The following GRID2 variants were observed in gnomAD, a reference collection of about 807,000 sequenced individuals.
The protein encoded by GRID2 is glutamate receptor ionotropic, delta-2.
A neutral mutation model predicts 114.8 loss-of-function variants in GRID2; 33 were observed. The observed-to-expected ratio is 0.29, with a 90% confidence interval of 0.22 to 0.38. The LOEUF (loss-of-function observed/expected upper bound fraction) is 0.38. GRID2 is among the 10% of genes least tolerant of loss of function. The probability of loss-of-function intolerance (pLI) is 1.00; values close to 1 mark genes in which losing one functional copy is unlikely to be tolerated. For missense variants in GRID2, 1,184 were observed against 1,257.7 expected, an observed-to-expected ratio of 0.94 and a Z score of 0.89; for synonymous variants, 505 against 449.9, an observed-to-expected ratio of 1.12 and a Z score of -1.55.
intron 2 of GRID2, among the ~76,000 whole-genome samples, chr4:92,961,772 ATTC>A (rs1752832379): frequency 2.0e-5 from 3 of 150,346 alleles, no homozygotes; most frequent in African/African-American, 2.4e-5. Flanking sequence ...TTTTTTTTTA[ATTC>A]TTCTTCTGAT....
At chr4:92,997,906 G>T (rs1287516100) in intron 2 of GRID2, among the ~76,000 whole-genome samples, 1 of 151,856 alleles carries the variant, frequency 6.6e-6, no homozygotes, top group East Asian at 1.9e-4. Context: ...ATAATGAAAT[G>T]TATTTATTAC....
intron 1 of GRID2, among the ~76,000 whole-genome samples, chr4:93,802,379 A>AGT (rs143346784): frequency 1.7e-3 from 261 of 150,992 alleles, no homozygotes; most frequent in African/African-American, 5.9e-3. Flanking sequence ...TGTGAGAGTG[A>AGT]GTGTGTGTGT....
At chr4:93,616,627 A>T (rs1042087415) in intron 13 of GRID2, among the ~76,000 whole-genome samples, 54 of 112,626 alleles carry the variant, frequency 4.8e-4, no homozygotes, top group African/African-American at 2.7e-3. Flanking sequence ...AATAAATATA[A>T]AAAAAAGTTT....
intron 1 of GRID2, among the ~76,000 whole-genome samples, chr4:92,565,421 A>G (rs987115229): frequency 2.0e-5 from 3 of 151,980 alleles, no homozygotes; most frequent in African/African-American, 7.2e-5. Context: ...CCCACTTTAT[A>G]TGACAGTATA....
At chr4:93,438,805 T>C (rs113848377) in intron 10 of GRID2, among the ~76,000 whole-genome samples, 16,020 of 151,684 alleles carry the variant, frequency 0.11, 1,942 homozygotes, top group African/African-American at 0.3. Context: ...TAGCATTAGG[T>C]ATATCTCCTA....
At chr4:92,916,199 G>C (rs1748776518) in intron 2 of GRID2, among the ~76,000 whole-genome samples, 1 of 151,952 alleles carries the variant, frequency 6.6e-6, no homozygotes, top group Non-Finnish European at 1.5e-5. Context: ...TTATAGTGTT[G>C]TGTTTTACAT....
chr4:92,342,275 G>A (rs957106393), intron 1 of GRID2, among the ~76,000 whole-genome samples: 9 of 151,994 alleles, frequency 5.9e-5, no homozygotes, highest in Admixed American at 3.9e-4. Context: ...TAAGTTATAT[G>A]TTAAATAAAA....
chr4:93,270,478 TTC>T (rs1751329793), intron 8 of GRID2, among the ~76,000 whole-genome samples: 1 of 152,198 alleles, frequency 6.6e-6, no homozygotes. Context: ...TGGAGAAGAC[TTC>T]TCTGTAAAAG....
intron 1 of GRID2, among the ~76,000 whole-genome samples, chr4:93,784,740 A>G (rs749679540): frequency 3.3e-5 from 5 of 152,080 alleles, no homozygotes; most frequent in Non-Finnish European, 7.4e-5. Context: ...GATATCCTGT[A>G]TATACCTAAC....
intron 8 of GRID2, chr4:93,282,308 T>C (rs1579534322): frequency 2.7e-6 from 1 of 370,430 alleles, no homozygotes; most frequent in African/African-American, 2.2e-5. Context: ...CCTTAGTCCA[T>C]TTTGGGCTGC....
At chr4:92,922,244 C>T (rs1749417078) in intron 2 of GRID2, among the ~76,000 whole-genome samples, 1 of 152,164 alleles carries the variant, frequency 6.6e-6, no homozygotes, top group African/African-American at 2.4e-5. Flanking sequence ...GTGCCATCGT[C>T]ACCCCTTTCT....
rs573909173 is a variant in GRID2 at position 92,455,681 on chromosome 4, A to T, written c.89-134450A>T. On this transcript the variant is annotated intron_variant, in intron 1 of 15. Coordinates refer to ENST00000282020, the MANE Select transcript of GRID2 (RefSeq NM_001510.4). Reference sequence around the variant, plus strand: ...TGTGTCTAGGTAGGGTTTGGAAAGCAGTACCGGAGTGGTGGGCAGTGAGGC... The same window carrying T: ...TGTGTCTAGGTAGGGTTTGGAAAGCTGTACCGGAGTGGTGGGCAGTGAGGC... Among the ~76,000 whole-genome samples the T allele has an allele frequency of 3.9e-5, 6 of 152,306 alleles. No homozygotes were observed. The East Asian group carries it at 1.2e-3, about 29-fold the overall frequency.
chr4:92,994,052 G>A (rs750182308), intron 2 of GRID2, among the ~76,000 whole-genome samples: 19 of 152,112 alleles, frequency 1.2e-4, no homozygotes, highest in Non-Finnish European at 2.1e-4. Flanking sequence ...AGGATACAAT[G>A]AGATTGTCTT....
intron 13 of GRID2, among the ~76,000 whole-genome samples, chr4:93,516,196 T>C (rs145212723): frequency 4.3e-3 from 650 of 152,284 alleles, no homozygotes; most frequent in South Asian, 7.9e-3. Context: ...TATACACTTT[T>C]TCTCTCTGAC....
intron 10 of GRID2, among the ~76,000 whole-genome samples, chr4:93,447,427 G>A (rs1722192347): frequency 6.6e-6 from 1 of 151,706 alleles, no homozygotes; most frequent in East Asian, 1.9e-4. Flanking sequence ...ACAAGCCTTG[G>A]GCATGTCTGG....
At chr4:92,391,084 A>C (rs1730217984) in intron 1 of GRID2, among the ~76,000 whole-genome samples, 1 of 152,356 alleles carries the variant, frequency 6.6e-6, no homozygotes, top group Admixed American at 6.5e-5. Flanking sequence ...CGAATTCATA[A>C]AATTGTACAT....
At chr4:92,990,283 G>GTATA (rs768992597) in intron 2 of GRID2, among the ~76,000 whole-genome samples, 1 of 49,082 alleles carries the variant, frequency 2.0e-5, no homozygotes, top group East Asian at 4.4e-4. Flanking sequence ...GTAGATATGT[G>GTATA]TGTGTATATA....
chr4:93,460,324 G>A (rs750811927), intron 11 of GRID2, among the ~76,000 whole-genome samples: 7 of 152,034 alleles, frequency 4.6e-5, no homozygotes, highest in South Asian at 2.1e-4. Flanking sequence ...CCAAACTTAC[G>A]GTTTGACCAT....
At chr4:93,192,340 C>T (rs2149448673) in intron 4 of GRID2, among the ~76,000 whole-genome samples, 1 of 152,226 alleles carries the variant, frequency 6.6e-6, no homozygotes, top group African/African-American at 2.4e-5. Flanking sequence ...TCTCTTAAAT[C>T]CTTACATTAG....
Sources: gnomAD v4.1 joint callset for allele counts (sites outside exome capture counted in the v4.1 genomes callset) on GRCh38, gnomAD v4.1.1 for gene constraint, MANE v1.5 for transcripts, NCBI Gene and HGNC (gene_info 2026-07-23, HGNC 2026-07-21) for gene names.